Variants in MED17 observed in about 807,000 individuals in gnomAD.
The protein encoded by MED17 is mediator complex subunit 17.
MED17 carries 49 observed loss-of-function variants against 80.8 expected under a neutral mutation model. The ratio of observed to expected loss-of-function variants is 0.61; its 90% CI spans 0.48 to 0.77. The LOEUF (loss-of-function observed/expected upper bound fraction) is 0.77. MED17 is among the 30% of genes least tolerant of loss of function. The pLI, the probability that MED17 is intolerant of heterozygous loss-of-function variation, is 0.00. For synonymous variants in MED17, 281 were observed against 280.4 expected (o/e 1.00, Z -0.02); for missense variants, 718 against 787.0 (o/e 0.91, Z 1.05).
chr11:93,808,519 T>A, intron 10 of MED17: 1 of 150,994 alleles, frequency 6.6e-6, no homozygotes, highest in Non-Finnish European at 1.5e-5. Flanking sequence ...AATGACCCAG[T>A]GAAATACTGA....
rs768336457 is a variant in MED17, at chr11:93,811,990, A to C, written c.1882A>C (p.Asn628His). ...TGGGCCATTCAAAGAAGTTCAGTGG[A>C]ATAAAATGGAAGGTCGAAATTTTGT... ...LRGPFKEVQW[N>H]KMEGRNFVYK... The change falls in exon 12 of 12, where the codon AAT (asparagine) becomes CAT (histidine). Residue 628 changes from asparagine (N) to histidine (H), a missense_variant. Transcript: ENST00000251871. The C allele has an allele frequency of 1.9e-6, 3 of 1,614,002 alleles. No individual in the cohort carries two copies. The African/African-American group carries it at 4.0e-5, about 22-fold the overall frequency.
Position 93,811,898 on chromosome 11 carries a change from C to T in MED17, c.1790C>T (p.Pro597Leu). Residue 597 changes from proline to leucine, a missense_variant, in exon 12 of 12, where the codon CCT becomes CTT. Coordinates refer to ENST00000251871, the MANE Select transcript of MED17 (RefSeq NM_004268.5). Reference sequence around the variant, plus strand: ...GGCAGCAAGATTATGGTTCAGTTTCCTCGTAACCAATGTAAAGACCTTCCA... The same window carrying T: ...GGCAGCAAGATTATGGTTCAGTTTCTTCGTAACCAATGTAAAGACCTTCCA... The part of the protein sequence containing the change: ...ESGSKIMVQF[P>L]RNQCKDLPKS... The T allele has an allele frequency of 1.2e-6, 2 of 1,614,014 alleles. No homozygotes were observed. The highest frequency in any genetic ancestry group is 1.7e-6 in the Non-Finnish European group (2 of 1,179,998).
Position 93,807,515 on chromosome 11 carries a change from A to C in MED17, c.1467-3A>C, listed in dbSNP as rs754529635. On this transcript the variant is annotated splice_region_variant and splice_polypyrimidine_tract_variant and intron_variant, in intron 9 of 11. Transcript: ENST00000251871. ...CTGATTTTTAGTATGTGTGTCTATA[A>C]AGGTCCATTCAACTGCAATTGAATA... 6.5e-7 allele frequency: 1 copy of C among 1,527,542 alleles called. No individual in the cohort carries two copies. The highest frequency in any genetic ancestry group is 1.7e-5 in the Admixed American group (1 of 59,908). The allele number at this position is 1,527,542 out of a possible 1,614,324, so 94.6% of individuals were successfully genotyped here.
chr11:93,810,235 A>G (rs1944071695), intron 11 of MED17: 3 of 303,760 alleles, frequency 9.9e-6, no homozygotes, highest in Non-Finnish European at 1.3e-5. Context: ...TAGTAAAGGG[A>G]TGGAACAGAG....
Position 93,813,116 on chromosome 11 carries a change from G to T in MED17, c.*1052G>T, listed in dbSNP as rs1944100607. 1 of 152,202 alleles carries T rather than the reference G, an allele frequency of 6.6e-6. No homozygotes were observed. Among genetic ancestry groups the T allele is most frequent in the African/African-American group, 2.4e-5 (1 of 41,456 alleles). 9.4% of individuals were successfully genotyped at this position (152,202 alleles called of 1,614,324 possible). A position where few individuals can be genotyped will look rare whatever the true frequency, so the allele number is the denominator to read the frequency against. On this transcript the variant is annotated 3_prime_UTR_variant, in exon 12 of 12. Coordinates refer to ENST00000251871, the MANE Select transcript of MED17 (RefSeq NM_004268.5). ...GCACTTCTTGGAAAAAGTGCCTAAAGTGTGCCCATTAATATGAGGATAGAT... is the reference window on the plus strand; with the variant it reads ...GCACTTCTTGGAAAAAGTGCCTAAATTGTGCCCATTAATATGAGGATAGAT...
At chr11:93,788,593 A>G (rs1943796909) in intron 2 of MED17, 1 of 159,032 alleles carries the variant, frequency 6.3e-6, no homozygotes, top group South Asian at 1.7e-4. Context: ...AGGCAGGAGA[A>G]TTGCTTGAGC....
intron 10 of MED17, 199 bp downstream of exon 10, chr11:93,807,834 A>G (rs779491064): frequency 2.9e-5 from 17 of 591,488 alleles, no homozygotes; most frequent in Non-Finnish European, 4.5e-5. Flanking sequence ...AAGCTGTCCT[A>G]GGTTTTCACA....
chr11:93,814,078 A>C lies in MED17; in HGVS notation c.*2014A>C, dbSNP rs1308760976. The C allele has an allele frequency of 6.6e-6, 1 of 152,150 alleles. No individual in the cohort carries two copies. Among genetic ancestry groups the C allele is most frequent in the African/African-American group, 2.4e-5 (1 of 41,384 alleles). The allele number at this position is 152,150 out of a possible 1,614,324, so 9.4% of individuals were successfully genotyped here. A position where few individuals can be genotyped will look rare whatever the true frequency, so the allele number is the denominator to read the frequency against. ...TTTCTCTGCTTGTCATGAATCAGTA[A>C]CAAATCATGGACCAGGACCACACCT... On this transcript the variant is annotated 3_prime_UTR_variant, in exon 12 of 12. Transcript: ENST00000251871.
chr11:93,784,662 G>A lies in MED17; in HGVS notation c.149G>A (p.Ser50Asn), dbSNP rs1943749131. 8.3e-6 allele frequency: 13 copies of A among 1,564,556 alleles called. No individual in the cohort carries two copies. The highest frequency in any genetic ancestry group is 1.1e-5 in the Non-Finnish European group (13 of 1,155,198). The change falls in exon 1 of 12, where the codon AGC becomes AAC. Residue 50 changes from serine to asparagine, a missense_variant. Transcript: ENST00000251871. ...LARLAQRIDF[S>N]QGSGSEEEEA... Reference sequence around the variant, plus strand: ...CGTCTGGCCCAGCGGATAGACTTCAGCCAGGGTTCGGGCTCCGAGGAGGAG... The same window carrying A: ...CGTCTGGCCCAGCGGATAGACTTCAACCAGGGTTCGGGCTCCGAGGAGGAG...
intron 8 of MED17, 68 bp downstream of exon 8, chr11:93,797,787 CA>C: frequency 7.1e-7 from 1 of 1,408,856 alleles, no homozygotes; most frequent in South Asian, 1.2e-5. Flanking sequence ...TCTGTTATTT[CA>C]TAACACTTTT....
At chr11:93,800,177 A>C (rs1393774523) in intron 8 of MED17, among the ~76,000 whole-genome samples, 1 of 152,180 alleles carries the variant, frequency 6.6e-6, no homozygotes, top group Non-Finnish European at 1.5e-5. Flanking sequence ...TCAAGGAAAA[A>C]GGAAAATAAA....
Position 93,797,599 on chromosome 11 carries a change from A to G in MED17, c.1208A>G (p.Lys403Arg), listed in dbSNP as rs770655353. Residue 403 changes from lysine (K) to arginine (R), a missense_variant, in exon 8 of 12, where the codon AAG (lysine) becomes AGG (arginine). By Grantham distance (26) the Lys-to-Arg change is conservative (BLOSUM62 2). Coordinates refer to ENST00000251871, the MANE Select transcript of MED17 (RefSeq NM_004268.5). ...CCAGCAAGTGCACCTTTTGGCCACAAGAGAATGAGACTTTCGGGTCCTCAA... is the reference window on the plus strand; with the variant it reads ...CCAGCAAGTGCACCTTTTGGCCACAGGAGAATGAGACTTTCGGGTCCTCAA... ...PHPASAPFGH[K>R]RMRLSGPQAF... 1 of 1,614,152 alleles carries G rather than the reference A, an allele frequency of 6.2e-7. No homozygotes were observed. The highest frequency in any genetic ancestry group is 8.5e-7 in the Non-Finnish European group (1 of 1,179,978).
chr11:93,810,967 G>C (rs975925991), intron 11 of MED17: 1 of 152,246 alleles, frequency 6.6e-6, no homozygotes, highest in Non-Finnish European at 1.5e-5. Flanking sequence ...GCACATCTAG[G>C]CTTCATGGCA....
intron 9 of MED17, among the ~76,000 whole-genome samples, chr11:93,803,980 T>TGTGTGC: frequency 7.0e-6 from 1 of 141,906 alleles, no homozygotes; most frequent in South Asian, 2.3e-4. Context: ...TATGTGTGTG[T>TGTGTGC]GTGTGTATAT....
intron 6 of MED17, 87 bp from the exon 7 acceptor site, chr11:93,796,323 T>C (rs2135714708): frequency 8.3e-7 from 1 of 1,206,850 alleles, no homozygotes; most frequent in East Asian, 2.3e-5. Flanking sequence ...CTTTTGAAAA[T>C]GAACTATGAT....
chr11:93,800,711 A>G (rs1029460898), intron 8 of MED17: 4 of 151,664 alleles, frequency 2.6e-5, no homozygotes, highest in African/African-American at 9.7e-5. Flanking sequence ...GTCATAGCTC[A>G]CTGTAACCTG....
chr11:93,809,564 C>G (rs1330550148), intron 10 of MED17, 153 bp from the exon 11 acceptor site: 1 of 779,686 alleles, frequency 1.3e-6, no homozygotes, highest in Non-Finnish European at 2.2e-6. Context: ...TTCCCTCCCC[C>G]TAAGTTACGC....
At position 93,795,262 on chromosome 11, in the gene MED17, T is replaced by G. The variant is rs565093423; in HGVS notation, c.1012+202T>G. The G allele has an allele frequency of 2.0e-4, 134 of 658,864 alleles. 1 individual carries two copies. The East Asian group carries it at 3.6e-3, about 18-fold the overall frequency. 40.8% of individuals were successfully genotyped at this position (658,864 alleles called of 1,614,324 possible). On this transcript the variant is annotated intron_variant, in intron 6 of 11. Coordinates refer to ENST00000251871, the MANE Select transcript of MED17 (RefSeq NM_004268.5). ...TCCTAAATAGTGTGACCCTTGGATT[T>G]TTAAGCTACATATTAAAAATTTGCA...
At position 93,804,014 on chromosome 11, in the gene MED17, TATATATATATATAC is replaced by T. The variant is rs1172892894; in HGVS notation, c.1466+2044_1466+2057del. ...ATATGTGTGTGTATATATATATATATATATATATATATACACACACACATATACACACGCACACA... is the reference window on the plus strand; with the variant it reads ...ATATGTGTGTGTATATATATATATATACACACACATATACACACGCACACA... On this transcript the variant is annotated intron_variant, in intron 9 of 11. Coordinates refer to ENST00000251871, the MANE Select transcript of MED17 (RefSeq NM_004268.5). Among the ~76,000 whole-genome samples, 66 of 24,954 alleles carry T rather than the reference TATATATATATATAC, an allele frequency of 2.6e-3. 2 individuals are homozygous for T. The highest frequency in any genetic ancestry group is 5.4e-3 in the African/African-American group (60 of 11,156). The allele number at this position is 24,954 out of a possible 152,430, so 16.4% of individuals were successfully genotyped here. A position where few individuals can be genotyped will look rare whatever the true frequency, so the allele number is the denominator to read the frequency against.
Sources: allele counts gnomAD v4.1 joint callset (sites outside exome capture counted in the v4.1 genomes callset), GRCh38; gene constraint gnomAD v4.1.1; transcripts MANE v1.5; gene names NCBI Gene and HGNC (gene_info 2026-07-23, HGNC 2026-07-21).